MAPRE2: variants seen among roughly 807,000 people sequenced by gnomAD.
MAPRE2 encodes microtubule associated protein RP/EB family member 2.
Under a neutral mutation model 43.2 loss-of-function variants are expected in MAPRE2, and 13 were observed. That is an observed-to-expected ratio of 0.30 (90% CI 0.20 to 0.48). The LOEUF is 0.48. Among genes scored for constraint, MAPRE2 ranks in the 20% least tolerant of loss-of-function variants. The pLI is 0.99. For synonymous variants in MAPRE2, 135 were observed against 148.8 expected (o/e 0.91, Z 0.68); for missense variants, 161 against 400.2 (o/e 0.40, Z 5.10).
At chr18:35,104,343 C>G (rs2144185953) in intron 4 of MAPRE2, among the ~76,000 whole-genome samples, 1 of 151,650 alleles carries the variant, frequency 6.6e-6, no homozygotes, top group South Asian at 2.1e-4. Flanking sequence ...ACAAATGTGT[C>G]AGAAAAAAAT....
intron 1 of MAPRE2, chr18:34,978,434 C>A: frequency 1.6e-6 from 2 of 1,262,070 alleles, no homozygotes; most frequent in South Asian, 1.3e-5. Flanking sequence ...GTGTGCAGAC[C>A]GGTTGCGATT....
At chr18:35,126,553 A>C (rs1569013920) in intron 4 of MAPRE2, among the ~76,000 whole-genome samples, 1 of 152,234 alleles carries the variant, frequency 6.6e-6, no homozygotes. Flanking sequence ...CTGAAGTATT[A>C]ATTGGTTATA....
chr18:34,999,624 T>C (rs1041106314), intron 1 of MAPRE2, among the ~76,000 whole-genome samples: 1 of 152,236 alleles, frequency 6.6e-6, no homozygotes, highest in African/African-American at 2.4e-5. Flanking sequence ...CCATTCTTAA[T>C]ATATACCACC....
chr18:35,113,945 G>T (rs1243294270), intron 4 of MAPRE2, among the ~76,000 whole-genome samples: 1 of 152,124 alleles, frequency 6.6e-6, no homozygotes, highest in Non-Finnish European at 1.5e-5. Flanking sequence ...TATTTATTGA[G>T]CACATATTAA....
chr18:35,140,197 G>T (rs980544068), intron 6 of MAPRE2, 98 bp from the exon 7 acceptor site: 74 of 1,091,430 alleles, frequency 6.8e-5, no homozygotes, highest in Non-Finnish European at 7.9e-5. Flanking sequence ...GCCCTCCACA[G>T]CCTTGAGACG....
intron 1 of MAPRE2, among the ~76,000 whole-genome samples, chr18:34,997,477 A>G (rs16966288): frequency 0.021 from 3,212 of 152,250 alleles, 111 homozygotes; most frequent in African/African-American, 0.073. Context: ...AAAAGCAGCT[A>G]ACTAAAAGGC....
chr18:35,098,828 A>G (rs1028709022), intron 3 of MAPRE2, among the ~76,000 whole-genome samples: 6 of 152,248 alleles, frequency 3.9e-5, no homozygotes, highest in African/African-American at 1.4e-4. Flanking sequence ...AGAAGTATAT[A>G]CACACAGAAT....
At chr18:35,113,424 T>A (rs1424013359) in intron 4 of MAPRE2, among the ~76,000 whole-genome samples, 1 of 152,220 alleles carries the variant, frequency 6.6e-6, no homozygotes, top group African/African-American at 2.4e-5. Context: ...TTGCAATTTT[T>A]AATTATTTTG....
intron 2 of MAPRE2, among the ~76,000 whole-genome samples, chr18:35,008,183 A>G (rs774408064): frequency 1.2e-4 from 18 of 152,254 alleles, no homozygotes; most frequent in Non-Finnish European, 2.1e-4. Context: ...CTCATGATGT[A>G]TAAGACTCAG....
At chr18:34,987,542 T>C (rs1304528384) in intron 1 of MAPRE2, among the ~76,000 whole-genome samples, 1 of 152,194 alleles carries the variant, frequency 6.6e-6, no homozygotes, top group Admixed American at 6.5e-5. Flanking sequence ...TTTAACCCCC[T>C]AGAAGATAGA....
At chr18:35,137,753 C>T (rs937692439) in intron 6 of MAPRE2, among the ~76,000 whole-genome samples, 5 of 152,066 alleles carry the variant, frequency 3.3e-5, no homozygotes, top group East Asian at 1.9e-4. Context: ...AGAACACACG[C>T]GGGACTGTGG....
chr18:35,096,241 A>G (rs535051105), intron 2 of MAPRE2, among the ~76,000 whole-genome samples: 1 of 152,328 alleles, frequency 6.6e-6, no homozygotes, highest in Admixed American at 6.5e-5. Flanking sequence ...TTCATGTTCC[A>G]GAAAGACTGA....
chr18:35,039,151 A>G (rs1243568087), upstream of MAPRE2, among the ~76,000 whole-genome samples: 1 of 152,282 alleles, frequency 6.6e-6, no homozygotes, highest in African/African-American at 2.4e-5. Context: ...AGTGATCTGT[A>G]CTAAAGAACC....
At chr18:35,032,527 G>A (rs746511508) in intron 2 of MAPRE2, among the ~76,000 whole-genome samples, 7 of 152,116 alleles carry the variant, frequency 4.6e-5, no homozygotes, top group Non-Finnish European at 1.0e-4. Flanking sequence ...GATGATTTCT[G>A]TCAATACAGA....
chr18:35,083,281 C>T (rs963308427), intron 2 of MAPRE2, among the ~76,000 whole-genome samples: 2 of 152,268 alleles, frequency 1.3e-5, no homozygotes, highest in East Asian at 3.9e-4. Flanking sequence ...TGTGAGAATA[C>T]GTGAGTGCAC....
chr18:34,986,141 G>T (rs1057376907), intron 1 of MAPRE2, among the ~76,000 whole-genome samples: 1 of 152,014 alleles, frequency 6.6e-6, no homozygotes, highest in Non-Finnish European at 1.5e-5. Context: ...AGATTCCTTT[G>T]TTTTGCTGAA....
intron 2 of MAPRE2, among the ~76,000 whole-genome samples, chr18:35,020,041 G>A (rs576888102): frequency 1.3e-5 from 2 of 152,200 alleles, no homozygotes; most frequent in South Asian, 2.1e-4. Context: ...TACTTGTACT[G>A]TGGATGACAC....
At chr18:35,049,355 T>G (rs1310656313) in intron 1 of MAPRE2, among the ~76,000 whole-genome samples, 1 of 152,130 alleles carries the variant, frequency 6.6e-6, no homozygotes, top group Non-Finnish European at 1.5e-5. Context: ...CATTTTGGAG[T>G]GCCAGAAAGT....
chr18:34,983,989 T>C (rs780764594), intron 1 of MAPRE2, among the ~76,000 whole-genome samples: 10 of 149,174 alleles, frequency 6.7e-5, no homozygotes, highest in Non-Finnish European at 1.5e-4. Context: ...CTACTTGTAA[T>C]GGCAAGGATC....
Sources: gnomAD v4.1 joint callset for allele counts (sites outside exome capture counted in the v4.1 genomes callset) on GRCh38, gnomAD v4.1.1 for gene constraint, MANE v1.5 for transcripts, NCBI Gene and HGNC (gene_info 2026-07-23, HGNC 2026-07-21) for gene names.